The following CDS1 variants were observed in gnomAD, a reference collection of about 807,000 sequenced individuals.
CDS1 encodes the protein CDP-diacylglycerol synthase 1, also known as phosphatidate cytidylyltransferase 1.
A neutral mutation model predicts 62.1 loss-of-function variants in CDS1; 41 were observed. The ratio of observed to expected loss-of-function variants is 0.66; its 90% CI spans 0.51 to 0.86. The LOEUF is 0.86. CDS1 is among the 40% of genes least tolerant of loss of function. The probability of loss-of-function intolerance (pLI) is 0.00; values close to 1 mark genes in which losing one functional copy is unlikely to be tolerated. For missense variants in CDS1, 470 were observed against 550.1 expected (o/e 0.85, Z 1.46); for synonymous variants, 185 against 192.6 (o/e 0.96, Z 0.32).
intron 1 of CDS1, among the ~76,000 whole-genome samples, chr4:84,595,595 A>G (rs1172481783): frequency 1.3e-5 from 2 of 152,198 alleles, no homozygotes; most frequent in Non-Finnish European, 2.9e-5. Context: ...GGAACCCACA[A>G]ATGTGAGGGG....
intron 12 of CDS1, among the ~76,000 whole-genome samples, chr4:84,646,534 T>C (rs1451545918): frequency 6.6e-6 from 1 of 152,216 alleles, no homozygotes; most frequent in Non-Finnish European, 1.5e-5. Flanking sequence ...ATTTCCAGTA[T>C]TATATCTTCT....
At chr4:84,631,158 T>C (rs1253203112) in intron 5 of CDS1, among the ~76,000 whole-genome samples, 1 of 152,244 alleles carries the variant, frequency 6.6e-6, no homozygotes, top group African/African-American at 2.4e-5. Flanking sequence ...ACCTGAATTT[T>C]GCTGATCTCA....
chr4:84,642,962 G>A (rs984883540), intron 10 of CDS1, 62 bp from the exon 11 acceptor site: 6 of 1,489,498 alleles, frequency 4.0e-6, no homozygotes, highest in Non-Finnish European at 5.5e-6. Context: ...AGATCAGGTG[G>A]TATGCTCAAA....
chr4:84,634,990 G>T (rs552733259), intron 7 of CDS1, among the ~76,000 whole-genome samples: 2 of 151,826 alleles, frequency 1.3e-5, no homozygotes, highest in Admixed American at 6.6e-5. Context: ...AAACTAAAAT[G>T]AAAACATCCA....
chr4:84,616,470 A>G (rs1208708101), intron 3 of CDS1, among the ~76,000 whole-genome samples: 13 of 152,256 alleles, frequency 8.5e-5, no homozygotes, highest in Non-Finnish European at 2.9e-5. Flanking sequence ...ATCCTCTGAC[A>G]GAGTTTGGTA....
At chr4:84,643,408 C>A (rs1448889598) in intron 11 of CDS1, among the ~76,000 whole-genome samples, 1 of 152,092 alleles carries the variant, frequency 6.6e-6, no homozygotes, top group Non-Finnish European at 1.5e-5. Flanking sequence ...TGGAATAGAC[C>A]CAGAATCTTG....
At chr4:84,608,196 C>T (rs913378570) in intron 2 of CDS1, among the ~76,000 whole-genome samples, 3 of 152,152 alleles carry the variant, frequency 2.0e-5, no homozygotes, top group Non-Finnish European at 4.4e-5. Context: ...TTTTTGGAGA[C>T]GGAGTCTCGC....
intron 1 of CDS1, among the ~76,000 whole-genome samples, chr4:84,601,116 T>G (rs1168000658): frequency 7.3e-6 from 1 of 137,624 alleles, no homozygotes; most frequent in Admixed American, 8.4e-5. Context: ...GAGGTTGCCA[T>G]GAGCCAAGAT....
At chr4:84,589,800 G>A (rs1722528420) in intron 1 of CDS1, among the ~76,000 whole-genome samples, 1 of 152,032 alleles carries the variant, frequency 6.6e-6, no homozygotes, top group Non-Finnish European at 1.5e-5. Flanking sequence ...TTTGGTTTAA[G>A]GCAGGTCTTT....
At chr4:84,643,688 A>G (rs181681350) in intron 11 of CDS1, among the ~76,000 whole-genome samples, 1 of 152,244 alleles carries the variant, frequency 6.6e-6, no homozygotes, top group African/African-American at 2.4e-5. Context: ...ATGAATGGGC[A>G]TGGCTGGATT....
chr4:84,587,165 C>T (rs1722445383), intron 1 of CDS1, among the ~76,000 whole-genome samples: 2 of 152,090 alleles, frequency 1.3e-5, no homozygotes, highest in Admixed American at 6.5e-5. Context: ...CAATGAGCTT[C>T]AAGGGATCTT....
chr4:84,590,528 TC>T (rs1233933502), intron 1 of CDS1, among the ~76,000 whole-genome samples: 1 of 152,208 alleles, frequency 6.6e-6, no homozygotes, highest in East Asian at 1.9e-4. Flanking sequence ...TAGAATGTCA[TC>T]AACTACATCA....
chr4:84,642,267 G>A (rs564638171), intron 10 of CDS1, among the ~76,000 whole-genome samples: 159 of 151,644 alleles, frequency 1.0e-3, no homozygotes, highest in Middle Eastern at 3.4e-3. Flanking sequence ...CGGAGGTTGC[G>A]GTGAGCCGAG....
At chr4:84,609,175 C>A in intron 2 of CDS1, among the ~76,000 whole-genome samples, 1 of 132,066 alleles carries the variant, frequency 7.6e-6, no homozygotes, top group East Asian at 2.1e-4. Flanking sequence ...AGCGAGACTC[C>A]GTCTCAAAAA....
Position 84,645,254 on chromosome 4 carries a change from G to C in CDS1, c.1185G>C (p.Gly395=). Residue 395 remains glycine, a synonymous_variant, in exon 12 of 13, where the codon GGG becomes GGC. Transcript: ENST00000295887. ...DFANTIPGHG[G]IMDRFDCQYL... Reference sequence around the variant, plus strand: ...CAAATACCATTCCTGGACATGGTGGGATAATGGACAGATTTGATTGTCAGT... The same window carrying C: ...CAAATACCATTCCTGGACATGGTGGCATAATGGACAGATTTGATTGTCAGT... 1 of 1,612,734 alleles carries C rather than the reference G, an allele frequency of 6.2e-7. No individual in the cohort carries two copies. The highest frequency in any genetic ancestry group is 8.5e-7 in the Non-Finnish European group (1 of 1,178,932).
At chr4:84,638,851 A>T (rs1260205517) in intron 8 of CDS1, 73 bp from the exon 9 acceptor site, 1 of 318,732 alleles carries the variant, frequency 3.1e-6, no homozygotes, top group Non-Finnish European at 5.6e-6. Flanking sequence ...AATAGTTTAT[A>T]TATATATATA....
chr4:84,600,435 G>T (rs968787098), intron 1 of CDS1, among the ~76,000 whole-genome samples: 3 of 152,098 alleles, frequency 2.0e-5, no homozygotes, highest in Admixed American at 1.3e-4. Context: ...CCTAACCAAG[G>T]TCCCAGAGAG....
chr4:84,604,162 C>T (rs1723019785), intron 1 of CDS1, 81 bp from the exon 2 acceptor site: 5 of 1,173,784 alleles, frequency 4.3e-6, no homozygotes, highest in African/African-American at 1.5e-5. Context: ...ATTTGACACA[C>T]TGAGCAATAA....
In CDS1 at chr4:84,650,186, A is replaced by T. The variant is rs1372971; in HGVS notation, c.*1500A>T. The T allele has an allele frequency of 1.3e-5, 2 of 151,984 alleles. No individual in the cohort carries two copies. The highest frequency in any genetic ancestry group is 4.8e-5 in the African/African-American group (2 of 41,350). The allele number at this position is 151,984 out of a possible 1,614,324, so 9.4% of individuals were successfully genotyped here. ...AAGATTGCCGTTATACCTGGGTTCCACTGATGCAGTCAGCCAGCACCTCCT... is the reference window on the plus strand; with the variant it reads ...AAGATTGCCGTTATACCTGGGTTCCTCTGATGCAGTCAGCCAGCACCTCCT... On this transcript the variant is annotated 3_prime_UTR_variant, in exon 13 of 13. Transcript: ENST00000295887.
Sources: allele counts gnomAD v4.1 joint callset (sites outside exome capture counted in the v4.1 genomes callset), GRCh38; gene constraint gnomAD v4.1.1; transcripts MANE v1.5; gene names NCBI Gene and HGNC (gene_info 2026-07-23, HGNC 2026-07-21).